The following ADAMTS8 variants were observed in gnomAD, a reference collection of about 807,000 sequenced individuals.
ADAMTS8 encodes the protein ADAM metallopeptidase with thrombospondin type 1 motif 8.
In ADAMTS8, 50 loss-of-function variants were observed where a neutral mutation model predicts 64.4. That is an observed-to-expected ratio of 0.78 (90% CI 0.62 to 0.98). The LOEUF (loss-of-function observed/expected upper bound fraction) is 0.98, where lower values mean the gene tolerates loss of function less well. Ranked by LOEUF, ADAMTS8 falls within the 50% of genes least tolerant of loss-of-function variation. The pLI, the probability that ADAMTS8 is intolerant of heterozygous loss-of-function variation, is 0.00. For synonymous variants in ADAMTS8, 556 were observed against 533.6 expected, an observed-to-expected ratio of 1.04 and a Z score of -0.58; for missense variants, 1,192 against 1,208.2, an observed-to-expected ratio of 0.99 and a Z score of 0.20.
At chr11:130,422,303 C>T (rs1862110334) in intron 1 of ADAMTS8, among the ~76,000 whole-genome samples, 1 of 152,026 alleles carries the variant, frequency 6.6e-6, no homozygotes, top group Non-Finnish European at 1.5e-5. Context: ...ACACCCTGGC[C>T]AGTTGGGTGG....
chr11:130,419,510 C>T (rs558587281), intron 1 of ADAMTS8, among the ~76,000 whole-genome samples: 1 of 152,338 alleles, frequency 6.6e-6, no homozygotes, highest in South Asian at 2.1e-4. Context: ...GATGCATGAA[C>T]AGTGGTCTTT....
chr11:130,406,836 GTTGT>G (rs1439005207), intron 8 of ADAMTS8, among the ~76,000 whole-genome samples: 1 of 152,190 alleles, frequency 6.6e-6, no homozygotes, highest in Non-Finnish European at 1.5e-5. Context: ...AGAAAGATTA[GTTGT>G]TTGTTCTTTT....
At position 130,416,453 on chromosome 11, in the gene ADAMTS8, T is replaced by G. The variant is rs1862026284; in HGVS notation, c.1097-123A>C. 1 of 1,117,322 alleles carries G rather than the reference T, an allele frequency of 8.9e-7. No homozygotes were observed. Among genetic ancestry groups the G allele is most frequent in the Admixed American group, 2.9e-5 (1 of 34,950 alleles). The allele number at this position is 1,117,322 out of a possible 1,614,324, so 69.2% of individuals were successfully genotyped here. Reference sequence around the variant, plus strand: ...CACCCCCTCACTCTCCGAAGATTTCTGCGTAGGGCTTTCCCCTGCGCTTTG... The same window carrying G: ...CACCCCCTCACTCTCCGAAGATTTCGGCGTAGGGCTTTCCCCTGCGCTTTG... On this transcript the variant is annotated intron_variant, in intron 3 of 8. Transcript: ENST00000257359. This position sits in a 1 kb window ranked among gnomAD's most constrained non-coding sequence, Gnocchi z 4.8.
chr11:130,428,305 T>C lies in ADAMTS8; in HGVS notation c.-19A>G. The C allele has an allele frequency of 2.4e-6, 3 of 1,241,964 alleles. No homozygotes were observed. The highest frequency in any genetic ancestry group is 3.8e-5 in the Admixed American group (1 of 26,344). The allele number at this position is 1,241,964 out of a possible 1,614,324, so 76.9% of individuals were successfully genotyped here. On this transcript the variant is annotated 5_prime_UTR_variant, in exon 1 of 9. Transcript: ENST00000257359. ...GGAGCATGGGGGCTGCGGCGGTGGC[T>C]GCGCGCAGGAGAGGGAAGAAGCCCG...
chr11:130,414,383 G>A, intron 5 of ADAMTS8, 148 bp downstream of exon 5: 1 of 984,896 alleles, frequency 1.0e-6, no homozygotes, highest in Admixed American at 3.1e-5. Flanking sequence ...CCAAAGTGCT[G>A]GGATTCCAGT....
At chr11:130,410,522 C>G (rs952659362) in intron 6 of ADAMTS8, among the ~76,000 whole-genome samples, 3 of 152,192 alleles carry the variant, frequency 2.0e-5, no homozygotes, top group African/African-American at 4.8e-5. Flanking sequence ...TCTAGAGCCT[C>G]AAACCATTGT....
intron 5 of ADAMTS8, among the ~76,000 whole-genome samples, chr11:130,412,536 C>G (rs1861966161): frequency 6.6e-6 from 1 of 152,100 alleles, no homozygotes; most frequent in African/African-American, 2.4e-5. Context: ...TTACAACTGA[C>G]CTATGAGAAC....
Position 130,419,216 on chromosome 11 carries a change from A to T in ADAMTS8, c.797T>A (p.Met266Lys). ...TTCTACGATCAGCACTTTTACCACC[A>T]TCAGGTTGATGGAATTCTTGATGCT... is the stretch of plus-strand genomic sequence containing the variant. ...HPSIKNSINL[M>K]VVKVLIVEDE... Residue 266 changes from methionine to lysine, a missense_variant, in exon 2 of 9, where the codon ATG becomes AAG. Physicochemically the swap from Met to Lys is moderately conservative, Grantham distance 95. Around this residue, in one of 5 missense-constraint regions of ADAMTS8, gnomAD observed 741 missense variants for 710.6 expected, o/e 1.04. Transcript: ENST00000257359. 1 of 1,614,076 alleles carries T rather than the reference A, an allele frequency of 6.2e-7. No homozygotes were observed. Among genetic ancestry groups the T allele is most frequent in the Non-Finnish European group, 8.5e-7 (1 of 1,180,028 alleles).
At chr11:130,412,432 T>G (rs1292415839) in intron 5 of ADAMTS8, among the ~76,000 whole-genome samples, 1 of 152,166 alleles carries the variant, frequency 6.6e-6, no homozygotes, top group Non-Finnish European at 1.5e-5. Flanking sequence ...CATGCTGGTC[T>G]TGAACTCCTG....
In ADAMTS8 at chr11:130,411,319, G is replaced by C; in HGVS notation, c.1750+98C>G. ...CCCTCTGGGAGTAACTCTATATCCC[G>C]GGACACCCACTTCACTCCCACTTTA... is the stretch of plus-strand genomic sequence containing the variant. On this transcript the variant is annotated intron_variant, in intron 6 of 8. Coordinates refer to ENST00000257359, the MANE Select transcript of ADAMTS8 (RefSeq NM_007037.6). This position sits in a 1 kb window ranked among gnomAD's most constrained non-coding sequence, Gnocchi z 4.2. 4.8e-6 allele frequency: 7 copies of C among 1,447,920 alleles called. No homozygotes were observed. The highest frequency in any genetic ancestry group is 6.6e-6 in the Non-Finnish European group (7 of 1,060,450). 89.7% of individuals were successfully genotyped at this position (1,447,920 alleles called of 1,614,324 possible). A position where few individuals can be genotyped will look rare whatever the true frequency, so the allele number is the denominator to read the frequency against.
At position 130,428,187 on chromosome 11, in the gene ADAMTS8, C is replaced by A. The variant is rs1411614104; in HGVS notation, c.100G>T (p.Gly34Trp). ...ACCACCAGCTCCGAGGCCTGCCCCCCGGCTGCGGGCCGGGCCGGGGCGCCG... is the reference window on the plus strand; with the variant it reads ...ACCACCAGCTCCGAGGCCTGCCCCCAGGCTGCGGGCCGGGCCGGGGCGCCG... ...ARGAPARPAAGGQASELVVPT... is the reference protein window; with the variant it reads ...ARGAPARPAAWGQASELVVPT... The change falls in exon 1 of 9, where the codon GGG becomes TGG. Residue 34 changes from glycine (G) to tryptophan (W), a missense_variant. By Grantham distance (184) the Gly-to-Trp change is radical (BLOSUM62 -2). This residue lies in a region of ADAMTS8 where 741 missense variants were observed against 710.6 expected (regional missense o/e 1.04). Coordinates refer to ENST00000257359, the MANE Select transcript of ADAMTS8 (RefSeq NM_007037.6). 3 of 1,303,226 alleles carry A rather than the reference C, an allele frequency of 2.3e-6. No individual in the cohort carries two copies. The highest frequency in any genetic ancestry group is 8.5e-5 in the Admixed American group (2 of 23,644). The allele number at this position is 1,303,226 out of a possible 1,614,324, so 80.7% of individuals were successfully genotyped here.
chr11:130,411,603 G>C lies in ADAMTS8; in HGVS notation c.1567-3C>G. 1.2e-6 allele frequency: 2 copies of C among 1,613,888 alleles called. No homozygotes were observed. The highest frequency in any genetic ancestry group is 1.7e-6 in the Non-Finnish European group (2 of 1,179,860). ...GCCCAGCCTCCATCTGCCACGGGCT[G>C]CAACATACAATGGCACACTGAATGA... On this transcript the variant is annotated splice_region_variant and splice_polypyrimidine_tract_variant and intron_variant, in intron 5 of 8. Transcript: ENST00000257359. This position sits in a 1 kb window ranked among gnomAD's most constrained non-coding sequence, Gnocchi z 4.2.
At chr11:130,424,672 G>T (rs1353015396) in intron 1 of ADAMTS8, among the ~76,000 whole-genome samples, 1 of 152,152 alleles carries the variant, frequency 6.6e-6, no homozygotes, top group African/African-American at 2.4e-5. Context: ...CTTGAGGCAC[G>T]GGAACTTGAT....
At chr11:130,420,144 G>T (rs1027691987) in intron 1 of ADAMTS8, among the ~76,000 whole-genome samples, 2 of 152,222 alleles carry the variant, frequency 1.3e-5, no homozygotes, top group Non-Finnish European at 2.9e-5. Flanking sequence ...TGGCTTCCTG[G>T]TGTCTGCCTG....
chr11:130,422,440 C>G (rs1862112506), intron 1 of ADAMTS8, among the ~76,000 whole-genome samples: 1 of 152,094 alleles, frequency 6.6e-6, no homozygotes, highest in Non-Finnish European at 1.5e-5. Context: ...CCGATGTCAT[C>G]ATTACATCCA....
chr11:130,405,203 A>C lies in ADAMTS8; in HGVS notation c.*355T>G. 1 of 1,041,606 alleles carries C rather than the reference A, an allele frequency of 9.6e-7. No individual in the cohort carries two copies. Among genetic ancestry groups the C allele is most frequent in the Non-Finnish European group, 1.2e-6 (1 of 866,738 alleles). 64.5% of individuals were successfully genotyped at this position (1,041,606 alleles called of 1,614,324 possible). On this transcript the variant is annotated 3_prime_UTR_variant, in exon 9 of 9. Transcript: ENST00000257359. ...TGTGAGGTAGATTATTTATCGGGGA[A>C]ACCAGATAGAATTTTTTTTTTCATT...
chr11:130,428,595 A>C lies in ADAMTS8; in HGVS notation c.-309T>G. On this transcript the variant is annotated 5_prime_UTR_variant, in exon 1 of 9. Coordinates refer to ENST00000257359, the MANE Select transcript of ADAMTS8 (RefSeq NM_007037.6). ...CGCAGCCGCCTCCTGCCTCCTCCCC[A>C]CCCCGGGAAGCACCGAGTGGGCTGC... 1.9e-5 allele frequency: 5 copies of C among 269,304 alleles called. No homozygotes were observed. The highest frequency in any genetic ancestry group is 2.3e-5 in the Non-Finnish European group (4 of 175,896). The allele number at this position is 269,304 out of a possible 1,614,324, so 16.7% of individuals were successfully genotyped here. A position where few individuals can be genotyped will look rare whatever the true frequency, so the allele number is the denominator to read the frequency against.
Position 130,425,881 on chromosome 11 carries a change from T to G in ADAMTS8, c.720+1686A>C, listed in dbSNP as rs2003210. On this transcript the variant is annotated intron_variant, in intron 1 of 8. Transcript: ENST00000257359. ...CTCCTAAAGTGCTGGGATTACAGGC[T>G]TGAGCCACCGTGCCCGGCCATCTTA... 0.011 allele frequency among the ~76,000 whole-genome samples: 1,724 copies of G among 152,214 alleles called. 49 individuals carry two copies. In the East Asian group the frequency reaches 0.13, roughly 12 times the overall value.
chr11:130,407,360 T>C (rs1011212372), intron 8 of ADAMTS8, among the ~76,000 whole-genome samples: 1 of 152,054 alleles, frequency 6.6e-6, no homozygotes, highest in Non-Finnish European at 1.5e-5. Flanking sequence ...AGTGAGACTC[T>C]GTCTCAAAAT....
Sources: allele counts gnomAD v4.1 joint callset (sites outside exome capture counted in the v4.1 genomes callset), GRCh38; gene constraint gnomAD v4.1.1; regional missense constraint gnomAD v4.1.1; non-coding constraint Gnocchi (gnomAD v3.1); transcripts MANE v1.5; gene names NCBI Gene and HGNC (gene_info 2026-07-23, HGNC 2026-07-21).